Variants in XIRP2 observed in about 807,000 individuals in gnomAD.
The protein encoded by XIRP2 is xin actin binding repeat containing 2, also known as xin actin-binding repeat-containing protein 2.
A neutral mutation model predicts 277.0 loss-of-function variants in XIRP2; 236 were observed. The observed-to-expected ratio is 0.85, with a 90% CI of 0.77 to 0.95. XIRP2 has a LOEUF of 0.95. XIRP2 is among the 40% of genes least tolerant of loss of function. XIRP2 has a pLI of 0.00. For synonymous variants in XIRP2, 1,490 were observed against 1,416.5 expected (o/e 1.05, Z -1.17); for missense variants, 4,640 against 4,157.5 (o/e 1.12, Z -3.19).
At chr2:167,240,391 G>C (rs1437066346) in intron 6 of XIRP2, among the ~76,000 whole-genome samples, 1 of 152,064 alleles carries the variant, frequency 6.6e-6, no homozygotes, top group Non-Finnish European at 1.5e-5. Context: ...CTCCAGCCCG[G>C]GTGACAGTGC....
intron 3 of XIRP2, among the ~76,000 whole-genome samples, chr2:167,194,375 C>G (rs1693439924): frequency 6.6e-6 from 1 of 152,164 alleles, no homozygotes; most frequent in Non-Finnish European, 1.5e-5. Context: ...GCCACCACAC[C>G]TGGCCCATCT....
At chr2:167,028,061 T>G (rs1009227067) in intron 2 of XIRP2, among the ~76,000 whole-genome samples, 2 of 152,128 alleles carry the variant, frequency 1.3e-5, no homozygotes, top group African/African-American at 4.8e-5. Flanking sequence ...ACATTAACTC[T>G]ACTTCTGTAA....
intron 2 of XIRP2, among the ~76,000 whole-genome samples, chr2:166,935,290 A>G (rs1558921526): frequency 1.3e-5 from 2 of 152,258 alleles, no homozygotes; most frequent in South Asian, 4.1e-4. Flanking sequence ...ATTTAAAACC[A>G]TATCTAAAAA....
rs370922070 is a variant in XIRP2, at chr2:167,194,687, A to G, written c.563-16048A>G. Among the ~76,000 whole-genome samples the G allele has an allele frequency of 1.2e-4, 18 of 152,188 alleles. No individual in the cohort carries two copies. In the South Asian group the frequency reaches 1.2e-3, roughly 11 times the overall value. On this transcript the variant is annotated intron_variant, in intron 3 of 10. Transcript: ENST00000409195. The stretch of plus-strand genomic sequence containing the variant: ...TAACTGGTTGAACGCAGACTTTGGA[A>G]CCAGACTGCCTAGTTTGAATTCCAT...
intron 2 of XIRP2, among the ~76,000 whole-genome samples, chr2:167,081,929 A>G (rs1250254126): frequency 1.4e-5 from 2 of 143,846 alleles, no homozygotes; most frequent in Non-Finnish European, 3.0e-5. Context: ...ACTTATATCC[A>G]CTTAACCATG....
At chr2:167,203,671 C>T (rs1693781778) in intron 3 of XIRP2, among the ~76,000 whole-genome samples, 1 of 152,096 alleles carries the variant, frequency 6.6e-6, no homozygotes, top group South Asian at 2.1e-4. Flanking sequence ...CCATCTATTT[C>T]TTGGTTTTAT....
At chr2:166,897,974 C>G (rs1352054955) in intron 1 of XIRP2, among the ~76,000 whole-genome samples, 1 of 152,096 alleles carries the variant, frequency 6.6e-6, no homozygotes. Context: ...CTTATAGAAT[C>G]AACAACTGCT....
chr2:167,150,386 A>G (rs1453671939), intron 3 of XIRP2, among the ~76,000 whole-genome samples: 1 of 152,082 alleles, frequency 6.6e-6, no homozygotes, highest in Non-Finnish European at 1.5e-5. Context: ...CAACAGTTCA[A>G]CATCAGTATT....
chr2:167,183,964 C>T (rs1252687912), intron 3 of XIRP2, among the ~76,000 whole-genome samples: 1 of 152,138 alleles, frequency 6.6e-6, no homozygotes, highest in Non-Finnish European at 1.5e-5. Context: ...CCGTGAGATC[C>T]TTTTCTCCTC....
chr2:167,193,322 C>T (rs181774323), intron 3 of XIRP2, among the ~76,000 whole-genome samples: 1 of 152,278 alleles, frequency 6.6e-6, no homozygotes, highest in Non-Finnish European at 1.5e-5. Context: ...AGCTTCTTGA[C>T]TTTGTCCCTA....
chr2:167,110,543 T>C (rs1403116265), intron 2 of XIRP2, among the ~76,000 whole-genome samples: 1 of 152,148 alleles, frequency 6.6e-6, no homozygotes, highest in Non-Finnish European at 1.5e-5. Flanking sequence ...TGTCTGTTTT[T>C]GTACCAGTAG....
At chr2:167,054,415 G>C (rs1457657350) in intron 2 of XIRP2, among the ~76,000 whole-genome samples, 1 of 152,188 alleles carries the variant, frequency 6.6e-6, no homozygotes. Flanking sequence ...TGGGTGAGGT[G>C]GCTCACGCCT....
intron 2 of XIRP2, among the ~76,000 whole-genome samples, chr2:166,952,727 T>G (rs1379745685): frequency 2.0e-5 from 3 of 152,048 alleles, no homozygotes; most frequent in Non-Finnish European, 2.9e-5. Flanking sequence ...TACTCTGTTT[T>G]TTTTTCAGAC....
At chr2:166,925,078 AT>A (rs1685146661) in intron 2 of XIRP2, among the ~76,000 whole-genome samples, 1 of 151,988 alleles carries the variant, frequency 6.6e-6, no homozygotes, top group Admixed American at 6.6e-5. Context: ...TGTTAAAAGT[AT>A]TTCAGGCTAT....
chr2:166,939,410 G>A (rs549802816), intron 2 of XIRP2, among the ~76,000 whole-genome samples: 1 of 152,028 alleles, frequency 6.6e-6, no homozygotes, highest in East Asian at 1.9e-4. Flanking sequence ...GGCTGGGCAC[G>A]GTGACTCAGC....
intron 5 of XIRP2, among the ~76,000 whole-genome samples, chr2:167,238,240 A>T (rs1408729212): frequency 1.3e-5 from 2 of 152,218 alleles, no homozygotes; most frequent in Non-Finnish European, 2.9e-5. Context: ...ATTATCAAAT[A>T]TCACTTGAAA....
At chr2:166,969,438 A>C (rs1686516040) in intron 2 of XIRP2, among the ~76,000 whole-genome samples, 1 of 152,032 alleles carries the variant, frequency 6.6e-6, no homozygotes, top group Admixed American at 6.6e-5. Flanking sequence ...TTTGATAAAT[A>C]ACTACTTATT....
chr2:166,910,892 G>A (rs1684682630), intron 2 of XIRP2, among the ~76,000 whole-genome samples: 1 of 152,144 alleles, frequency 6.6e-6, no homozygotes, highest in East Asian at 1.9e-4. Flanking sequence ...TTCAGGAGCG[G>A]GTTGTTCAGT....
intron 2 of XIRP2, among the ~76,000 whole-genome samples, chr2:167,133,012 A>G (rs1452002543): frequency 2.0e-5 from 3 of 152,210 alleles, no homozygotes; most frequent in African/African-American, 7.2e-5. Context: ...GTTGAACATT[A>G]GGTGTTCAAT....
Sources: allele counts gnomAD v4.1 joint callset (sites outside exome capture counted in the v4.1 genomes callset), GRCh38; gene constraint gnomAD v4.1.1; transcripts MANE v1.5; gene names NCBI Gene and HGNC (gene_info 2026-07-23, HGNC 2026-07-21).